Variants in LPIN2 observed in about 807,000 individuals in gnomAD.
The protein encoded by LPIN2 is lipin 2, also known as phosphatidate phosphatase LPIN2.
LPIN2 carries 55 observed loss-of-function variants against 111.4 expected under a neutral mutation model. That is an observed-to-expected ratio of 0.49 (90% CI 0.40 to 0.62). LPIN2 has a LOEUF of 0.62. LPIN2 is among the 20% of genes least tolerant of loss of function. The pLI is 0.00. For missense variants in LPIN2, 992 were observed against 1,112.1 expected, an observed-to-expected ratio of 0.89 and a Z score of 1.54; for synonymous variants, 425 against 414.0, an observed-to-expected ratio of 1.03 and a Z score of -0.32.
chr18:3,001,742 T>C (rs1013895065), intron 1 of LPIN2, among the ~76,000 whole-genome samples: 1 of 152,176 alleles, frequency 6.6e-6, no homozygotes, highest in African/African-American at 2.4e-5. Context: ...ACTGGGGTTT[T>C]TCATAATAAA....
At chr18:2,935,643 T>A (rs2077275588) in intron 7 of LPIN2, among the ~76,000 whole-genome samples, 2 of 152,210 alleles carry the variant, frequency 1.3e-5, no homozygotes, top group Admixed American at 6.5e-5. Flanking sequence ...AATGTAAACA[T>A]GAATTCTTCA....
In LPIN2 at chr18:2,927,086, T is replaced by C. The variant is rs541207252; in HGVS notation, c.1711-281A>G. Among the ~76,000 whole-genome samples, 4 of 152,312 alleles carry C rather than the reference T, an allele frequency of 2.6e-5. No homozygotes were observed. In the East Asian group the frequency reaches 7.7e-4, roughly 29 times the overall value. ...CATAATACAAGCGACCCAAACTTGT[T>C]AGGTCCCCAGCTTCCTTCTCCTCCT... On this transcript the variant is annotated intron_variant, in intron 12 of 19. Transcript: ENST00000677752.
chr18:2,963,226 AGAGCTG>A (rs1292051201), intron 1 of LPIN2, among the ~76,000 whole-genome samples: 1 of 149,628 alleles, frequency 6.7e-6, no homozygotes, highest in Admixed American at 6.6e-5. Context: ...TCACCCCAAC[AGAGCTG>A]GGGAAAGAGG....
intron 16 of LPIN2, among the ~76,000 whole-genome samples, chr18:2,923,280 C>T (rs1242443514): frequency 6.6e-6 from 1 of 151,920 alleles, no homozygotes; most frequent in East Asian, 1.9e-4. Flanking sequence ...ATTAGCTGGG[C>T]ATGGTGGCAT....
At chr18:2,997,147 A>G (rs1427559235) in intron 1 of LPIN2, among the ~76,000 whole-genome samples, 1 of 151,856 alleles carries the variant, frequency 6.6e-6, no homozygotes, top group East Asian at 1.9e-4. Flanking sequence ...ACGCCTGGCT[A>G]ATTTTTGTAT....
At chr18:3,005,458 G>A (rs528463280) in intron 1 of LPIN2, among the ~76,000 whole-genome samples, 10 of 152,182 alleles carry the variant, frequency 6.6e-5, no homozygotes, top group South Asian at 4.2e-4. Context: ...TGGGAGGATC[G>A]CTTGAGCCCA....
chr18:2,936,329 C>CT (rs1190461603), intron 7 of LPIN2, among the ~76,000 whole-genome samples: 1 of 152,178 alleles, frequency 6.6e-6, no homozygotes, highest in African/African-American at 2.4e-5. Context: ...TATGTATGTT[C>CT]TGACCCACTG....
chr18:2,965,887 C>T (rs540797397), intron 1 of LPIN2, among the ~76,000 whole-genome samples: 19 of 152,116 alleles, frequency 1.2e-4, no homozygotes, highest in Non-Finnish European at 2.5e-4. Context: ...AGTTTAAAAA[C>T]AATAAAAAAA....
chr18:2,997,131 A>AC (rs2078357959), intron 1 of LPIN2, among the ~76,000 whole-genome samples: 1 of 151,426 alleles, frequency 6.6e-6, no homozygotes, highest in South Asian at 2.1e-4. Context: ...ACAGGTACCC[A>AC]CCCCCACGCC....
At chr18:2,935,133 G>A (rs1254280483) in intron 7 of LPIN2, among the ~76,000 whole-genome samples, 1 of 152,092 alleles carries the variant, frequency 6.6e-6, no homozygotes, top group African/African-American at 2.4e-5. Context: ...CTAAAGTGAG[G>A]TACACAAAAT....
At chr18:2,975,421 G>C (rs2143325452) in intron 1 of LPIN2, among the ~76,000 whole-genome samples, 1 of 152,142 alleles carries the variant, frequency 6.6e-6, no homozygotes, top group East Asian at 1.9e-4. Context: ...TGCAACTTCT[G>C]CCTCCCGGGT....
intron 4 of LPIN2, among the ~76,000 whole-genome samples, chr18:2,944,912 T>C (rs2077426724): frequency 6.6e-6 from 1 of 152,220 alleles, no homozygotes; most frequent in Middle Eastern, 3.2e-3. Flanking sequence ...TCTTACATCA[T>C]ACTGCTTGGC....
At position 2,917,909 on chromosome 18, in the gene LPIN2, G is replaced by A. The variant is rs757712879; in HGVS notation, c.*2384C>T. The stretch of plus-strand genomic sequence containing the variant: ...ACCCGTCACTGAAGATAGCGCGAGG[G>A]TGATGCTTCAACTCACCATCCTAAG... On this transcript the variant is annotated 3_prime_UTR_variant, in exon 20 of 20. Coordinates refer to ENST00000677752, the MANE Select transcript of LPIN2 (RefSeq NM_001375808.2). 6.6e-6 allele frequency: 1 copy of A among 152,198 alleles called. No individual in the cohort carries two copies. The highest frequency in any genetic ancestry group is 2.4e-5 in the African/African-American group (1 of 41,436). The allele number at this position is 152,198 out of a possible 1,614,324, so 9.4% of individuals were successfully genotyped here. A position where few individuals can be genotyped will look rare whatever the true frequency, so the allele number is the denominator to read the frequency against.
intron 8 of LPIN2, 66 bp from the exon 9 acceptor site, chr18:2,931,509 T>C: frequency 1.3e-6 from 2 of 1,487,040 alleles, no homozygotes; most frequent in East Asian, 2.5e-5. Context: ...GTTTACTGCA[T>C]GGTTCTCTGG....
intron 1 of LPIN2, among the ~76,000 whole-genome samples, chr18:2,991,587 C>A (rs2078266242): frequency 6.6e-6 from 1 of 152,084 alleles, no homozygotes; most frequent in South Asian, 2.1e-4. Context: ...TGTTGTACAC[C>A]TATAATCACA....
intron 1 of LPIN2, among the ~76,000 whole-genome samples, chr18:2,993,958 C>G: frequency 6.6e-6 from 1 of 152,158 alleles, no homozygotes; most frequent in East Asian, 1.9e-4. Context: ...AAGTAAAAAA[C>G]CTCTGGTTCT....
chr18:2,952,870 A>C (rs1157634744), intron 3 of LPIN2, among the ~76,000 whole-genome samples: 1 of 152,242 alleles, frequency 6.6e-6, no homozygotes, highest in African/African-American at 2.4e-5. Flanking sequence ...TGCAGCTATT[A>C]AAAGCACAGA....
At chr18:2,945,955 C>T in intron 4 of LPIN2, 1 of 1,402,316 alleles carries the variant, frequency 7.1e-7, no homozygotes, top group Non-Finnish European at 1.0e-6. Context: ...AGTTTTTCTT[C>T]TACAACAGCT....
At position 2,930,743 on chromosome 18, in the gene LPIN2, T is replaced by C. The variant is rs559134383; in HGVS notation, c.1456+513A>G. Among the ~76,000 whole-genome samples, 17 of 152,344 alleles carry C rather than the reference T, an allele frequency of 1.1e-4. No homozygotes were observed. In the South Asian group the frequency reaches 3.5e-3, roughly 32 times the overall value. On this transcript the variant is annotated intron_variant, in intron 9 of 19. Coordinates refer to ENST00000677752, the MANE Select transcript of LPIN2 (RefSeq NM_001375808.2). Reference sequence around the variant, plus strand: ...ACATGTCTGCTAAACTCCCTCCTGATTCCTGAGCAAGCTTTACTCTCGTAG... The same window carrying C: ...ACATGTCTGCTAAACTCCCTCCTGACTCCTGAGCAAGCTTTACTCTCGTAG...
Sources: allele counts gnomAD v4.1 joint callset (sites outside exome capture counted in the v4.1 genomes callset), GRCh38; gene constraint gnomAD v4.1.1; transcripts MANE v1.5; gene names NCBI Gene and HGNC (gene_info 2026-07-23, HGNC 2026-07-21).